The following PTPRD variants were observed in gnomAD, a reference collection of about 807,000 sequenced individuals.
PTPRD encodes protein tyrosine phosphatase receptor type D.
PTPRD carries 34 observed loss-of-function variants against 214.5 expected under a neutral mutation model. That is an observed-to-expected ratio of 0.16 (90% CI 0.12 to 0.21). The LOEUF is 0.21. Ranked by LOEUF, PTPRD falls within the 10% of genes least tolerant of loss-of-function variation. PTPRD has a pLI of 1.00. For synonymous variants in PTPRD, 1,128 were observed against 845.7 expected (o/e 1.33, Z -5.79); for missense variants, 2,545 against 2,398.7 (o/e 1.06, Z -1.27).
intron 8 of PTPRD, among the ~76,000 whole-genome samples, chr9:9,543,089 G>C (rs1274641339): frequency 6.6e-6 from 1 of 151,352 alleles, no homozygotes; most frequent in Non-Finnish European, 1.5e-5. Flanking sequence ...AACAAATTGT[G>C]GTATATTCAT....
chr9:10,296,507 C>T (rs2095678642), intron 3 of PTPRD, among the ~76,000 whole-genome samples: 2 of 151,998 alleles, frequency 1.3e-5, no homozygotes, highest in South Asian at 2.1e-4. Context: ...CTATATAAAC[C>T]CCTAACTCGA....
intron 14 of PTPRD, among the ~76,000 whole-genome samples, chr9:8,591,391 A>T (rs977156325): frequency 2.0e-5 from 3 of 152,190 alleles, no homozygotes; most frequent in Non-Finnish European, 4.4e-5. Flanking sequence ...TCAAAGGAAG[A>T]CACATCTGAC....
chr9:9,320,047 T>A (rs540588781), intron 9 of PTPRD, among the ~76,000 whole-genome samples: 1 of 152,304 alleles, frequency 6.6e-6, no homozygotes, highest in African/African-American at 2.4e-5. Flanking sequence ...TGAAAACTTC[T>A]GAAAAAGTAC....
At chr9:10,134,704 T>C (rs1289179547) in intron 3 of PTPRD, among the ~76,000 whole-genome samples, 1 of 151,990 alleles carries the variant, frequency 6.6e-6, no homozygotes, top group Non-Finnish European at 1.5e-5. Flanking sequence ...ATAAAAATTA[T>C]ATTAAAAAAA....
Position 8,778,967 on chromosome 9 carries a change from A to G in PTPRD, c.-103-45021T>C, listed in dbSNP as rs1453652120. On this transcript the variant is annotated intron_variant, in intron 11 of 45. Coordinates refer to ENST00000381196, the MANE Select transcript of PTPRD (RefSeq NM_002839.4). ...CAAGAGCAGTGTTAAAAAGCAACAC[A>G]ATGATTCTTTATGATATCTTCACTC... 3.3e-5 allele frequency among the ~76,000 whole-genome samples: 5 copies of G among 152,166 alleles called. No individual in the cohort carries two copies. In the East Asian group the frequency reaches 9.6e-4, roughly 29 times the overall value.
intron 32 of PTPRD, 150 bp from the exon 33 acceptor site, chr9:8,460,721 G>C (rs938001100): frequency 2.6e-5 from 17 of 661,278 alleles, no homozygotes; most frequent in Non-Finnish European, 3.1e-5. Context: ...GAGGGGAGAG[G>C]AGAATAAAGA....
At chr9:10,318,605 A>ATATT (rs899546133) in intron 3 of PTPRD, among the ~76,000 whole-genome samples, 4 of 151,954 alleles carry the variant, frequency 2.6e-5, no homozygotes, top group South Asian at 2.1e-4. Context: ...GAGTTCGTTT[A>ATATT]TATTTATTTA....
chr9:8,574,295 C>A, intron 14 of PTPRD, among the ~76,000 whole-genome samples: 1 of 152,032 alleles, frequency 6.6e-6, no homozygotes, highest in Middle Eastern at 3.4e-3. Context: ...CACTGTCTAT[C>A]AATAAATATT....
Position 10,232,935 on chromosome 9 carries a change from CCTCA to C in PTPRD, c.-545+108024_-545+108027del, listed in dbSNP as rs531421022. On this transcript the variant is annotated intron_variant, in intron 3 of 45. Transcript: ENST00000381196. ...CAAAGATTTTAAACATTCCATTCTT[CCTCA>C]CTATCATTTTATCCACTGAAAAAGG... 5.9e-3 allele frequency among the ~76,000 whole-genome samples: 898 copies of C among 152,098 alleles called. 6 individuals are homozygous for C. The highest frequency in any genetic ancestry group is 0.02 in the African/African-American group (840 of 41,556).
intron 7 of PTPRD, among the ~76,000 whole-genome samples, chr9:9,707,778 A>G (rs986792797): frequency 6.6e-6 from 1 of 152,126 alleles, no homozygotes; most frequent in African/African-American, 2.4e-5. Flanking sequence ...CAGTGCCACT[A>G]TTCTATTGGC....
chr9:8,744,105 C>T (rs774947820), intron 11 of PTPRD, among the ~76,000 whole-genome samples: 2 of 152,066 alleles, frequency 1.3e-5, no homozygotes, highest in South Asian at 2.1e-4. Context: ...AATACCACCT[C>T]GGTCCTGCAA....
intron 8 of PTPRD, among the ~76,000 whole-genome samples, chr9:9,436,414 C>T (rs2085276652): frequency 6.6e-6 from 1 of 151,962 alleles, no homozygotes; most frequent in African/African-American, 2.4e-5. Flanking sequence ...TATATTGAAC[C>T]CTTTAATAAG....
chr9:9,407,062 TA>T (rs1429798052), intron 8 of PTPRD, among the ~76,000 whole-genome samples: 1 of 151,796 alleles, frequency 6.6e-6, no homozygotes, highest in African/African-American at 2.4e-5. Flanking sequence ...ACTTATTTCA[TA>T]AAATACTGTT....
At chr9:9,470,339 C>G (rs552504457) in intron 8 of PTPRD, among the ~76,000 whole-genome samples, 15 of 152,090 alleles carry the variant, frequency 9.9e-5, no homozygotes, top group Admixed American at 3.9e-4. Context: ...AGCAAGATAC[C>G]ACCTATTGGA....
At chr9:8,410,225 C>T (rs1046387319) in intron 35 of PTPRD, among the ~76,000 whole-genome samples, 3 of 152,196 alleles carry the variant, frequency 2.0e-5, no homozygotes, top group South Asian at 2.1e-4. Context: ...TGAATACTTT[C>T]TTCAAAGAGA....
intron 8 of PTPRD, among the ~76,000 whole-genome samples, chr9:9,487,256 T>G (rs981154671): frequency 2.0e-5 from 3 of 148,150 alleles, no homozygotes; most frequent in Non-Finnish European, 4.5e-5. Context: ...TTCCCCTTCC[T>G]GTGTCCAAGT....
At chr9:8,976,329 G>T (rs1247227941) in intron 11 of PTPRD, among the ~76,000 whole-genome samples, 1 of 152,032 alleles carries the variant, frequency 6.6e-6, no homozygotes, top group Non-Finnish European at 1.5e-5. Context: ...CCTAGTTCAT[G>T]ATAGAACTAG....
At chr9:9,347,388 T>C (rs2049277130) in intron 9 of PTPRD, among the ~76,000 whole-genome samples, 1 of 151,380 alleles carries the variant, frequency 6.6e-6, no homozygotes, top group Non-Finnish European at 1.5e-5. Flanking sequence ...CAGATTATGT[T>C]CTTTTAACAC....
At chr9:9,960,968 AAAAC>A (rs929501943) in intron 4 of PTPRD, among the ~76,000 whole-genome samples, 144 of 152,254 alleles carry the variant, frequency 9.5e-4, no homozygotes, top group African/African-American at 3.3e-3. Context: ...TTACAAGAAA[AAAAC>A]AAACAACCCC....
Sources: gnomAD v4.1 joint callset for allele counts (sites outside exome capture counted in the v4.1 genomes callset) on GRCh38, gnomAD v4.1.1 for gene constraint, MANE v1.5 for transcripts, NCBI Gene and HGNC (gene_info 2026-07-23, HGNC 2026-07-21) for gene names.